The following ANKRD30A variants were observed in gnomAD, a reference collection of about 807,000 sequenced individuals.
ANKRD30A encodes ankyrin repeat domain 30A.
Under a neutral mutation model 166.3 loss-of-function variants are expected in ANKRD30A, and 170 were observed. That is an observed-to-expected ratio of 1.02 (90% CI 0.90 to 1.16). ANKRD30A has a LOEUF of 1.16. Among genes scored for constraint, ANKRD30A ranks in the 50% most tolerant of loss-of-function variants. The pLI is 0.00. For synonymous variants in ANKRD30A, 564 were observed against 508.9 expected (o/e 1.11, Z -1.46); for missense variants, 1,630 against 1,518.0 (o/e 1.07, Z -1.23).
At chr10:37,191,035 C>A (rs530794433) in intron 25 of ANKRD30A, among the ~76,000 whole-genome samples, 52 of 151,798 alleles carry the variant, frequency 3.4e-4, no homozygotes, top group African/African-American at 1.1e-3. Flanking sequence ...GACTTGAATA[C>A]CTAAATTGTT....
intron 31 of ANKRD30A, among the ~76,000 whole-genome samples, chr10:37,209,924 AACCTTTG>A (rs1455565482): frequency 6.6e-6 from 1 of 151,966 alleles, no homozygotes; most frequent in Admixed American, 6.6e-5. Flanking sequence ...ATTTCCTTTG[AACCTTTG>A]CCAGAATCAG....
chr10:37,159,450 A>G (rs982060270), intron 15 of ANKRD30A, among the ~76,000 whole-genome samples: 1 of 152,124 alleles, frequency 6.6e-6, no homozygotes, highest in Non-Finnish European at 1.5e-5. Flanking sequence ...ACTAGGAGGC[A>G]AAAGTTGCAG....
intron 12 of ANKRD30A, among the ~76,000 whole-genome samples, chr10:37,152,919 C>G (rs1264176967): frequency 6.6e-6 from 1 of 152,084 alleles, no homozygotes; most frequent in East Asian, 1.9e-4. Context: ...GACAAAAAGA[C>G]TTTAACACTT....
intron 17 of ANKRD30A, among the ~76,000 whole-genome samples, chr10:37,164,143 G>C (rs1397470808): frequency 1.4e-5 from 2 of 146,862 alleles, no homozygotes; most frequent in Non-Finnish European, 3.0e-5. Context: ...GTATACAGTT[G>C]ATGGATGTCA....
At chr10:37,139,262 A>T (rs1251100691) in intron 6 of ANKRD30A, among the ~76,000 whole-genome samples, 9 of 152,226 alleles carry the variant, frequency 5.9e-5, no homozygotes, top group Non-Finnish European at 7.3e-5. Context: ...AGATACTGAT[A>T]TTCAGTGAAA....
chr10:37,207,682 TA>T (rs1439613274), intron 31 of ANKRD30A, among the ~76,000 whole-genome samples: 1 of 151,878 alleles, frequency 6.6e-6, no homozygotes, highest in Non-Finnish European at 1.5e-5. Flanking sequence ...ACATTCTTAA[TA>T]TATTGGTGCA....
downstream of ANKRD30A, among the ~76,000 whole-genome samples, chr10:37,236,299 C>A (rs1349849092): frequency 2.0e-5 from 3 of 152,126 alleles, no homozygotes; most frequent in African/African-American, 7.2e-5. Flanking sequence ...TGACTCATGA[C>A]AACTAATGGG....
At chr10:37,249,853 A>G in the ANKRD30A span, among the ~76,000 whole-genome samples, 2 of 152,202 alleles carry the variant, frequency 1.3e-5, no homozygotes, top group Non-Finnish European at 2.9e-5. Flanking sequence ...AATTTAAATT[A>G]AAAAATGTTT....
chr10:37,243,443 G>A, the ANKRD30A span, among the ~76,000 whole-genome samples: 1 of 151,640 alleles, frequency 6.6e-6, no homozygotes, highest in Non-Finnish European at 1.5e-5. Flanking sequence ...CGTGCCCGGC[G>A]TCCAAATTTT....
At chr10:37,220,028 T>TATAA (rs1491157188) in intron 34 of ANKRD30A, 131 bp downstream of exon 34, 3 of 152,070 alleles carry the variant, frequency 2.0e-5, no homozygotes, top group African/African-American at 8.9e-5. Flanking sequence ...TATATATATA[T>TATAA]AATATATGTA....
At chr10:37,196,402 G>A (rs1588899293) in intron 27 of ANKRD30A, among the ~76,000 whole-genome samples, 1 of 152,154 alleles carries the variant, frequency 6.6e-6, no homozygotes, top group East Asian at 1.9e-4. Flanking sequence ...TGGAAACTAA[G>A]AACATTGGGT....
chr10:37,226,015 C>G (rs1298379834), intron 34 of ANKRD30A, among the ~76,000 whole-genome samples: 1 of 151,628 alleles, frequency 6.6e-6, no homozygotes, highest in African/African-American at 2.4e-5. Flanking sequence ...ATATATTTGT[C>G]TGTTCTGGAA....
downstream of ANKRD30A, among the ~76,000 whole-genome samples, chr10:37,234,820 C>T (rs965179493): frequency 6.6e-6 from 1 of 152,090 alleles, no homozygotes; most frequent in Non-Finnish European, 1.5e-5. Context: ...AAGCTAAAAC[C>T]GTATTCCTAA....
At chr10:37,164,977 AT>A in intron 17 of ANKRD30A, 116 bp from the exon 18 acceptor site, 1 of 1,093,052 alleles carries the variant, frequency 9.1e-7, no homozygotes, top group Middle Eastern at 2.2e-4. Context: ...CAAAAAGAAC[AT>A]ATGGGCCACA....
chr10:37,156,379 A>G (rs1454008343), intron 13 of ANKRD30A, among the ~76,000 whole-genome samples: 2 of 151,890 alleles, frequency 1.3e-5, no homozygotes, highest in Non-Finnish European at 2.9e-5. Context: ...AATAAAAGTA[A>G]TAAAAAAAAA....
Position 37,165,168 on chromosome 10 carries a change from G to T in ANKRD30A, c.2064+13G>T, listed in dbSNP as rs770918203. 6.2e-7 allele frequency: 1 copy of T among 1,600,228 alleles called. No individual in the cohort carries two copies. Among genetic ancestry groups the T allele is most frequent in the East Asian group, 2.2e-5 (1 of 44,658 alleles). ...TTGGGATACTGAGGTACTGTGTGTT[G>T]TTGATTTTTTTAAATATTAGTATTG... On this transcript the variant is annotated intron_variant, in intron 18 of 35. Coordinates refer to ENST00000361713, the MANE Select transcript of ANKRD30A (RefSeq NM_052997.3).
chr10:37,191,892 G>C (rs974595537), intron 25 of ANKRD30A, among the ~76,000 whole-genome samples: 1 of 151,972 alleles, frequency 6.6e-6, no homozygotes, highest in African/African-American at 2.4e-5. Context: ...CTACTCCGGA[G>C]GCTGAGACAA....
At chr10:37,238,572 A>G in the ANKRD30A span, among the ~76,000 whole-genome samples, 2 of 152,212 alleles carry the variant, frequency 1.3e-5, no homozygotes, top group South Asian at 4.1e-4. Flanking sequence ...GTACAAAATT[A>G]GACTATCTGT....
chr10:37,258,780 G>A, the ANKRD30A span, among the ~76,000 whole-genome samples: 5 of 151,438 alleles, frequency 3.3e-5, no homozygotes, highest in East Asian at 9.7e-4. Context: ...TGGCTAACAA[G>A]GTGAAACCCC....
Sources: allele counts gnomAD v4.1 joint callset (sites outside exome capture counted in the v4.1 genomes callset), GRCh38; gene constraint gnomAD v4.1.1; transcripts MANE v1.5; gene names NCBI Gene and HGNC (gene_info 2026-07-23, HGNC 2026-07-21).